Variants in WWTR1 observed in about 807,000 individuals in gnomAD.
WWTR1 encodes WW domain containing transcription regulator 1.
A neutral mutation model predicts 40.1 loss-of-function variants in WWTR1; 13 were observed. The observed-to-expected ratio is 0.32, with a 90% CI of 0.21 to 0.52. The LOEUF (loss-of-function observed/expected upper bound fraction) is 0.52, where lower values mean the gene tolerates loss of function less well. WWTR1 is among the 20% of genes least tolerant of loss of function. The pLI is 0.97. For missense variants in WWTR1, 436 were observed against 523.1 expected (o/e 0.83, Z 1.63); for synonymous variants, 230 against 210.1 (o/e 1.09, Z -0.82).
intron 2 of WWTR1, among the ~76,000 whole-genome samples, chr3:149,669,502 A>G (rs1380395915): frequency 6.6e-6 from 1 of 152,240 alleles, no homozygotes; most frequent in Non-Finnish European, 1.5e-5. Flanking sequence ...AAGACAAACA[A>G]GGTCCCCAGT....
intron 5 of WWTR1, among the ~76,000 whole-genome samples, chr3:149,527,606 A>C (rs1347647361): frequency 6.6e-6 from 1 of 152,166 alleles, no homozygotes; most frequent in Non-Finnish European, 1.5e-5. Context: ...ATTCTTGACT[A>C]GGGGTTTACT....
intron 1 of WWTR1, among the ~76,000 whole-genome samples, chr3:149,683,054 G>A (rs1271106132): frequency 1.3e-5 from 2 of 152,226 alleles, no homozygotes; most frequent in Non-Finnish European, 2.9e-5. Flanking sequence ...TATATTAGCT[G>A]AAATGCAATG....
At chr3:149,587,296 T>C (rs80195540) in intron 2 of WWTR1, among the ~76,000 whole-genome samples, 1,711 of 152,020 alleles carry the variant, frequency 0.011, 38 homozygotes, top group African/African-American at 0.039. Flanking sequence ...TGTGTGAGGG[T>C]AAAAAGAAAA....
chr3:149,550,641 C>T (rs1469815633), intron 3 of WWTR1, among the ~76,000 whole-genome samples: 2 of 152,078 alleles, frequency 1.3e-5, no homozygotes, highest in Admixed American at 6.5e-5. Context: ...GGGAAAAAAG[C>T]GGACAGGGAA....
chr3:149,692,640 T>C (rs2108214687), intron 1 of WWTR1, among the ~76,000 whole-genome samples: 1 of 152,022 alleles, frequency 6.6e-6, no homozygotes, highest in Admixed American at 6.5e-5. Context: ...TGTTTGTTTG[T>C]TTGTTTGTTT....
chr3:149,651,120 G>A (rs1465568217), intron 2 of WWTR1, among the ~76,000 whole-genome samples: 8 of 152,296 alleles, frequency 5.3e-5, no homozygotes, highest in African/African-American at 1.9e-4. Flanking sequence ...AACTGAGTTA[G>A]CAGACAGTAT....
Position 149,657,121 on chromosome 3 carries a change from C to T in WWTR1, c.186G>A (p.Ser62=). ...CCGACGAGTCGGTGCTGGACTGGCG[C>T]GAGTGCGAGCCCGAATCAGGCTCCT... ...FFKEPDSGSH[S]RQSSTDSSGG... Residue 62 remains serine, a synonymous_variant, in exon 2 of 7, where the codon TCG becomes TCA. Coordinates refer to ENST00000360632, the MANE Select transcript of WWTR1 (RefSeq NM_015472.6). 1 of 1,588,530 alleles carries T rather than the reference C, an allele frequency of 6.3e-7. No homozygotes were observed.
chr3:149,673,008 A>C (rs1260227763), intron 1 of WWTR1, among the ~76,000 whole-genome samples: 1 of 152,142 alleles, frequency 6.6e-6, no homozygotes, highest in African/African-American at 2.4e-5. Context: ...AAAAGTATGA[A>C]TTGCTAAAAA....
intron 3 of WWTR1, among the ~76,000 whole-genome samples, chr3:149,568,523 CAA>C (rs34414853): frequency 2.7e-3 from 172 of 64,798 alleles, no homozygotes; most frequent in African/African-American, 3.8e-3. Context: ...AATTAAAGTG[CAA>C]AAAAAAAAAA....
chr3:149,657,595 C>A (rs777847200), intron 1 of WWTR1, 170 bp downstream of exon 1: 2 of 384,492 alleles, frequency 5.2e-6, no homozygotes, highest in South Asian at 8.0e-5. Flanking sequence ...GCACTCGGGG[C>A]TTGCTGAACC....
At chr3:149,655,680 G>A (rs1338872929) in intron 2 of WWTR1, among the ~76,000 whole-genome samples, 1 of 152,198 alleles carries the variant, frequency 6.6e-6, no homozygotes, top group Non-Finnish European at 1.5e-5. Context: ...CAACAGCCTT[G>A]AGATGGGGAA....
intron 5 of WWTR1, among the ~76,000 whole-genome samples, chr3:149,710,052 T>C (rs1715438417): frequency 6.6e-6 from 1 of 152,148 alleles, no homozygotes; most frequent in South Asian, 2.1e-4. Flanking sequence ...TCTGCCCTAT[T>C]TTTTTTCTCT....
intron 2 of WWTR1, among the ~76,000 whole-genome samples, chr3:149,618,835 C>A (rs1200907066): frequency 6.6e-6 from 1 of 152,144 alleles, no homozygotes; most frequent in Non-Finnish European, 1.5e-5. Context: ...GGCAGTGACA[C>A]GACAAGTACA....
intron 3 of WWTR1, among the ~76,000 whole-genome samples, chr3:149,545,923 G>A (rs976232093): frequency 1.3e-5 from 2 of 152,216 alleles, no homozygotes; most frequent in Non-Finnish European, 2.9e-5. Context: ...CAGTCACTTA[G>A]GTAGACTGCC....
At chr3:149,634,092 A>G (rs1488022445) in intron 2 of WWTR1, among the ~76,000 whole-genome samples, 1 of 152,154 alleles carries the variant, frequency 6.6e-6, no homozygotes, top group African/African-American at 2.4e-5. Flanking sequence ...AAGAGGAAGG[A>G]AAGATGAGAG....
chr3:149,635,536 GGAGAAA>G (rs1225587910), intron 2 of WWTR1, among the ~76,000 whole-genome samples: 1 of 151,356 alleles, frequency 6.6e-6, no homozygotes, highest in Non-Finnish European at 1.5e-5. Context: ...AGAAGGAGAA[GGAGAAA>G]GAGAAGGAGA....
intron 2 of WWTR1, among the ~76,000 whole-genome samples, chr3:149,667,719 G>A (rs1713893048): frequency 2.0e-5 from 3 of 152,130 alleles, no homozygotes; most frequent in Admixed American, 2.0e-4. Flanking sequence ...GCCAAACAAT[G>A]TTAGGACTAC....
intron 2 of WWTR1, among the ~76,000 whole-genome samples, chr3:149,588,213 C>T (rs1460664330): frequency 1.3e-5 from 2 of 152,148 alleles, no homozygotes; most frequent in Non-Finnish European, 2.9e-5. Context: ...ATCTTTTCTC[C>T]AGCCTGGCAT....
chr3:149,521,261 T>G (rs1735033349), intron 6 of WWTR1, among the ~76,000 whole-genome samples: 1 of 152,172 alleles, frequency 6.6e-6, no homozygotes. Flanking sequence ...GACAAAGGTG[T>G]GAAGAACTGT....
Sources: gnomAD v4.1 joint callset for allele counts (sites outside exome capture counted in the v4.1 genomes callset) on GRCh38, gnomAD v4.1.1 for gene constraint, MANE v1.5 for transcripts, NCBI Gene and HGNC (gene_info 2026-07-23, HGNC 2026-07-21) for gene names.